Variants in DCLRE1C observed in about 807,000 individuals in gnomAD.
DCLRE1C encodes DNA cross-link repair 1C.
Under a neutral mutation model 61.4 loss-of-function variants are expected in DCLRE1C, and 47 were observed. That is an observed-to-expected ratio of 0.77 (90% CI 0.61 to 0.98). The LOEUF (loss-of-function observed/expected upper bound fraction) is 0.98, where lower values mean the gene tolerates loss of function less well. Ranked by LOEUF, DCLRE1C falls within the 50% of genes least tolerant of loss-of-function variation. DCLRE1C has a pLI of 0.00. For missense variants in DCLRE1C, 858 were observed against 816.0 expected (o/e 1.05, Z -0.63); for synonymous variants, 337 against 287.6 (o/e 1.17, Z -1.74).
intron 1 of DCLRE1C, among the ~76,000 whole-genome samples, chr10:14,953,144 C>A (rs1348410206): frequency 6.6e-6 from 1 of 152,216 alleles, no homozygotes; most frequent in African/African-American, 2.4e-5. Flanking sequence ...CGAATTAGCA[C>A]AATGAGCATT....
At chr10:14,916,253 AAG>A (rs897972161) in intron 13 of DCLRE1C, among the ~76,000 whole-genome samples, 2 of 152,220 alleles carry the variant, frequency 1.3e-5, no homozygotes, top group African/African-American at 4.8e-5. Context: ...CTAGACAAGA[AAG>A]AGAAAAACAT....
chr10:14,912,123 T>G (rs1334705437), intron 13 of DCLRE1C, among the ~76,000 whole-genome samples: 1 of 152,226 alleles, frequency 6.6e-6, no homozygotes, highest in East Asian at 1.9e-4. Context: ...TATCTAGAGA[T>G]GGACCTCTAG....
intron 2 of DCLRE1C, among the ~76,000 whole-genome samples, chr10:14,946,883 C>G (rs12247970): frequency 0.028 from 4,271 of 152,114 alleles, 222 homozygotes; most frequent in African/African-American, 0.096. Context: ...TTCCCAAAGG[C>G]CTGGGATTAT....
rs989068740 is a variant in DCLRE1C, at chr10:14,907,887, G to GTTTTTTTTTTTT, written c.*520_*521insAAAAAAAAAAAA. ...TTTTTTTTTTTTTTTTTGAGACAGA[G>GTTTTTTTTTTTT]TTTTGCTCTTGTTGCCCAGGCTGGA... On this transcript the variant is annotated 3_prime_UTR_variant, in exon 14 of 14. Transcript: ENST00000378278. 1.1e-5 allele frequency: 1 copy of GTTTTTTTTTTTT among 90,536 alleles called. No individual in the cohort carries two copies. The highest frequency in any genetic ancestry group is 4.2e-5 in the African/African-American group (1 of 23,964). The allele number at this position is 90,536 out of a possible 1,614,324, so 5.6% of individuals were successfully genotyped here.
Position 14,914,310 on chromosome 10 carries a change from A to G in DCLRE1C, c.1157-4980T>C, listed in dbSNP as rs147529573. On this transcript the variant is annotated intron_variant, in intron 13 of 13. Transcript: ENST00000378278. ...TCATTTCCTAAAGATAAAGGTATCA[A>G]TCCCTCAAGAGGATATAAGAATCTT... Among the ~76,000 whole-genome samples the G allele has an allele frequency of 6.6e-5, 10 of 152,352 alleles. No individual in the cohort carries two copies. The East Asian group carries it at 1.7e-3, about 26-fold the overall frequency.
At chr10:14,950,005 A>C (rs1012481023) in intron 1 of DCLRE1C, among the ~76,000 whole-genome samples, 3 of 151,972 alleles carry the variant, frequency 2.0e-5, no homozygotes, top group Non-Finnish European at 2.9e-5. Context: ...AGGCCATAAC[A>C]CTGCACTTCG....
At chr10:14,904,511 A>G (rs1391288276), downstream of DCLRE1C, among the ~76,000 whole-genome samples, 3 of 152,132 alleles carry the variant, frequency 2.0e-5, no homozygotes, top group African/African-American at 4.8e-5. Flanking sequence ...TTAAAAAATC[A>G]GTGTTTTACC....
At position 14,928,063 on chromosome 10, in the gene DCLRE1C, G is replaced by A. The variant is rs764386986; in HGVS notation, c.870C>T (p.Ser290=). 6.2e-6 allele frequency: 10 copies of A among 1,613,676 alleles called. No homozygotes were observed. Among genetic ancestry groups the A allele is most frequent in the African/African-American group, 2.7e-5 (2 of 74,858 alleles). The change falls in exon 10 of 14, where the codon TCC becomes TCT. Residue 290 remains serine (S), a synonymous_variant. Coordinates refer to ENST00000378278, the MANE Select transcript of DCLRE1C (RefSeq NM_001033855.3). The stretch of plus-strand genomic sequence containing the variant: ...TGCTCCTTTCTCCAAACCACATGGT[G>A]GATGGCTTAATGCTGATTATGTGGA... ...IPLHIISIKP[S]TMWFGERSRK... is the part of the protein sequence containing the mutation.
intron 1 of DCLRE1C, among the ~76,000 whole-genome samples, chr10:14,949,471 T>C (rs1288115293): frequency 6.6e-6 from 1 of 152,170 alleles, no homozygotes; most frequent in Admixed American, 6.5e-5. Context: ...CTTAAATCAG[T>C]CTATCTAGAA....
chr10:14,910,481 G>A (rs995388913), intron 13 of DCLRE1C, among the ~76,000 whole-genome samples: 1 of 152,084 alleles, frequency 6.6e-6, no homozygotes, highest in African/African-American at 2.4e-5. Context: ...ATTTTTTTTA[G>A]ACAGTGTTTC....
At chr10:14,927,068 G>A (rs1420221064) in intron 10 of DCLRE1C, among the ~76,000 whole-genome samples, 171 bp from the exon 11 acceptor site, 3 of 152,178 alleles carry the variant, frequency 2.0e-5, no homozygotes, top group East Asian at 3.9e-4. Flanking sequence ...GGGATAGCAG[G>A]GAACCTTTTC....
At chr10:14,918,229 C>T (rs1239797170) in intron 13 of DCLRE1C, among the ~76,000 whole-genome samples, 1 of 152,094 alleles carries the variant, frequency 6.6e-6, no homozygotes, top group Non-Finnish European at 1.5e-5. Context: ...TGGAAACAAC[C>T]CAAAAATACA....
At chr10:14,931,019 A>G (rs1838897472) in intron 9 of DCLRE1C, among the ~76,000 whole-genome samples, 1 of 152,234 alleles carries the variant, frequency 6.6e-6, no homozygotes, top group Non-Finnish European at 1.5e-5. Context: ...TGGCTAATGG[A>G]ACCATTATTA....
At chr10:14,953,872 G>T (rs757690608) in intron 1 of DCLRE1C, 30 bp downstream of exon 1, 1 of 1,612,888 alleles carries the variant, frequency 6.2e-7, no homozygotes, top group Non-Finnish European at 8.5e-7. Context: ...CCAGCGCCCC[G>T]GGAGCGGGCG....
At chr10:14,913,430 TGTG>T (rs1176073600) in intron 13 of DCLRE1C, among the ~76,000 whole-genome samples, 2 of 152,238 alleles carry the variant, frequency 1.3e-5, no homozygotes, top group African/African-American at 2.4e-5. Context: ...AATTTTGTAT[TGTG>T]GAGTTTATAA....
At chr10:14,902,291 G>GA (rs1398575224), downstream of DCLRE1C, 3 of 571,212 alleles carry the variant, frequency 5.3e-6, no homozygotes, top group Non-Finnish European at 9.0e-6. Context: ...TAAGGGTCTT[G>GA]ACCATGTAAG....
rs757775611 is a variant in DCLRE1C, at chr10:14,954,069, C to G, written c.-59G>C. 179 of 1,606,612 alleles carry G rather than the reference C, an allele frequency of 1.1e-4. No homozygotes were observed. The highest frequency in any genetic ancestry group is 1.4e-5 in the Non-Finnish European group (17 of 1,178,130). ...ACCGCAGCTGAAGCCAAGGCCAGCC[C>G]TGACCGCGCCGCCACTTCCGGGAAG... On this transcript the variant is annotated 5_prime_UTR_variant, in exon 1 of 14. Coordinates refer to ENST00000378278, the MANE Select transcript of DCLRE1C (RefSeq NM_001033855.3).
In DCLRE1C at chr10:14,898,202, CTTTTTTTTTTTTT is replaced by C. The variant is rs919860514; in HGVS notation, c.*949_*961del. ...AAAACTCAGTGAGGTAGTACTGTTT[CTTTTTTTTTTTTT>C]TTTTTTTTTTTTTTTGAGAAGTAGT... On this transcript the variant is annotated 3_prime_UTR_variant, in exon 14 of 14. Transcript: ENST00000378289. 288 of 56,150 alleles carry C rather than the reference CTTTTTTTTTTTTT, an allele frequency of 5.1e-3. 2 individuals are homozygous for C. The highest frequency in any genetic ancestry group is 0.019 in the African/African-American group (270 of 14,148). The allele number at this position is 56,150 out of a possible 1,614,324, so 3.5% of individuals were successfully genotyped here. A position where few individuals can be genotyped will look rare whatever the true frequency, so the allele number is the denominator to read the frequency against.
intron 12 of DCLRE1C, among the ~76,000 whole-genome samples, chr10:14,920,951 C>G (rs1836999925): frequency 6.6e-6 from 1 of 151,936 alleles, no homozygotes; most frequent in East Asian, 1.9e-4. Flanking sequence ...CCACTGCACT[C>G]CAGCCTGGGT....
Sources: gnomAD v4.1 joint callset for allele counts (sites outside exome capture counted in the v4.1 genomes callset) on GRCh38, gnomAD v4.1.1 for gene constraint, MANE v1.5 for transcripts, NCBI Gene and HGNC (gene_info 2026-07-23, HGNC 2026-07-21) for gene names.